IL3RA: variants seen among roughly 807,000 people sequenced by gnomAD.
The protein encoded by IL3RA is interleukin-3 receptor subunit alpha.
IL3RA carries 73 observed loss-of-function variants against 52.3 expected under a neutral mutation model. The ratio of observed to expected loss-of-function variants is 1.40; its 90% CI spans 1.16 to 1.70. IL3RA has a LOEUF of 1.70. Ranked by LOEUF, IL3RA falls within the 40% of genes most tolerant of loss-of-function variation. IL3RA has a pLI of 0.00. For missense variants in IL3RA, 664 were observed against 504.4 expected (o/e 1.32, Z -3.03); for synonymous variants, 260 against 194.0 (o/e 1.34, Z -2.83).
chrX:1,357,128 A>AT (rs1325549054), intron 7 of IL3RA, among the ~76,000 whole-genome samples: 21 of 151,694 alleles, frequency 1.4e-4, no homozygotes, highest in African/African-American at 4.8e-4. Flanking sequence ...AAGTTTTTGT[A>AT]TTTTTAGTAG....
In IL3RA at chrX:1,352,406, A is replaced by G. The variant is rs1425433255; in HGVS notation, c.516A>G (p.Arg172=). 3 of 1,613,460 alleles carry G rather than the reference A, an allele frequency of 1.9e-6. No individual in the cohort carries two copies. The highest frequency in any genetic ancestry group is 1.7e-6 in the Non-Finnish European group (2 of 1,179,790). The change falls in exon 6 of 12, where the codon CGA becomes CGG. Residue 172 remains arginine (R), a synonymous_variant. Coordinates refer to ENST00000331035, the MANE Select transcript of IL3RA (RefSeq NM_002183.4). The part of the protein sequence containing the change: ...RIGCRFDDIS[R]LSSGSQSSHI... The stretch of plus-strand genomic sequence containing the variant: ...GGTGTCGTTTCGATGACATCTCTCG[A>G]CTCTCCAGCGGTTCTCAAAGTTCCC...
intron 3 of IL3RA, among the ~76,000 whole-genome samples, chrX:1,348,016 G>C (rs1244712327): frequency 1.6e-5 from 2 of 126,508 alleles, no homozygotes; most frequent in African/African-American, 6.1e-5. Context: ...CAGCCTGGGC[G>C]ACAGAGCGAG....
intron 1 of IL3RA, among the ~76,000 whole-genome samples, chrX:1,341,120 AAAATAAAT>A (rs1313378193): frequency 1.7e-4 from 26 of 151,636 alleles, no homozygotes; most frequent in African/African-American, 4.6e-4. Context: ...TCTGTCACAA[AAAATAAAT>A]AAATAAATAA....
intron 2 of IL3RA, among the ~76,000 whole-genome samples, chrX:1,344,577 A>G (rs1160832381): frequency 6.6e-6 from 1 of 151,410 alleles, no homozygotes; most frequent in Non-Finnish European, 1.5e-5. Flanking sequence ...GATCGAGACC[A>G]TCCTGGCCAA....
At chrX:1,354,167 G>C (rs1259164565) in intron 6 of IL3RA, among the ~76,000 whole-genome samples, 1 of 151,896 alleles carries the variant, frequency 6.6e-6, no homozygotes, top group African/African-American at 2.4e-5. Context: ...TCCCATCATG[G>C]GTCACGGGAG....
chrX:1,350,973 G>GA (rs1233750452), intron 4 of IL3RA, among the ~76,000 whole-genome samples: 1 of 152,036 alleles, frequency 6.6e-6, no homozygotes, highest in Non-Finnish European at 1.5e-5. Flanking sequence ...TTGGGAGGCT[G>GA]AGGCGGGTGG....
chrX:1,355,825 T>C (rs1453884610), intron 6 of IL3RA, among the ~76,000 whole-genome samples: 36 of 146,488 alleles, frequency 2.5e-4, no homozygotes, highest in Non-Finnish European at 7.5e-5. Flanking sequence ...GGGTTGGCCC[T>C]GGGCAGGGGT....
At chrX:1,364,998 A>G (rs1399701853) in intron 8 of IL3RA, 140 bp from the exon 9 acceptor site, 64 of 572,262 alleles carry the variant, frequency 1.1e-4, no homozygotes, top group Non-Finnish European at 1.9e-4. Context: ...TAGTAGAGAC[A>G]GGGTTTCACC....
At chrX:1,367,440 CGGGTGCGCGGGGTGAGCG>C (rs1479927911) in intron 9 of IL3RA, among the ~76,000 whole-genome samples, 21 of 8,402 alleles carry the variant, frequency 2.5e-3, no homozygotes, top group African/African-American at 7.6e-3. Flanking sequence ...CGGGGTGAGC[CGGGTGCGCGGGGTGAGCG>C]GGGTGCGCGG....
In IL3RA at chrX:1,348,668, TTC is replaced by T. The variant is rs372160476; in HGVS notation, c.298+125_298+126del. 4,911 of 462,882 alleles carry T rather than the reference TTC, an allele frequency of 0.011. 277 individuals carry two copies. In the African/African-American group the frequency reaches 0.15, roughly 14 times the overall value. 28.7% of individuals were successfully genotyped at this position (462,882 alleles called of 1,614,324 possible). Reference sequence around the variant, plus strand: ...TCTCTTTCTTTCTTTCTTTCTTTCTTTCTTTCTTTCTTTCTTTCTTTCTTTTT... The same window carrying T: ...TCTCTTTCTTTCTTTCTTTCTTTCTTTTTCTTTCTTTCTTTCTTTCTTTTT... On this transcript the variant is annotated intron_variant, in intron 4 of 11. Transcript: ENST00000331035.
chrX:1,341,892 A>C, intron 2 of IL3RA, 63 bp downstream of exon 2: 1 of 1,529,162 alleles, frequency 6.5e-7, no homozygotes, highest in Non-Finnish European at 9.1e-7. Flanking sequence ...CAGACACACA[A>C]TGTCAGCGTG....
intron 3 of IL3RA, 122 bp from the exon 4 acceptor site, chrX:1,348,309 C>A: frequency 1.3e-6 from 1 of 765,502 alleles, no homozygotes; most frequent in Non-Finnish European, 2.3e-6. Context: ...GCCGAGATCA[C>A]GCCACTGCAC....
chrX:1,343,174 T>A (rs1437563653), intron 2 of IL3RA, among the ~76,000 whole-genome samples: 33 of 152,112 alleles, frequency 2.2e-4, no homozygotes, highest in African/African-American at 8.0e-4. Context: ...AAGAAAATAA[T>A]GCCAGAAGTC....
intron 1 of IL3RA, among the ~76,000 whole-genome samples, chrX:1,341,449 T>G (rs1172884616): frequency 6.6e-6 from 1 of 150,444 alleles, no homozygotes; most frequent in East Asian, 1.9e-4. Context: ...GTCCTGCAAA[T>G]GTGCAAACAG....
intron 10 of IL3RA, among the ~76,000 whole-genome samples, chrX:1,380,332 CCT>C (rs1285751089): frequency 7.0e-4 from 100 of 142,664 alleles, no homozygotes; most frequent in Non-Finnish European, 1.2e-3. Context: ...CCAGCCAGGC[CCT>C]GTTTCCTTCC....
Position 1,382,471 on chromosome X carries a change from G to C in IL3RA, c.*6G>C, listed in dbSNP as rs201270577. ...AGGTCGTGCAGAAAACTTGAGACTG[G>C]GGTTCAGGGCTTGTGGGGGTCTGCC... is the stretch of plus-strand genomic sequence containing the variant. On this transcript the variant is annotated 3_prime_UTR_variant, in exon 12 of 12. Coordinates refer to ENST00000331035, the MANE Select transcript of IL3RA (RefSeq NM_002183.4). The C allele has an allele frequency of 9.2e-5, 149 of 1,613,584 alleles. No homozygotes were observed. The highest frequency in any genetic ancestry group is 1.2e-4 in the Non-Finnish European group (139 of 1,179,606).
chrX:1,361,844 A>G (rs1416595596), intron 8 of IL3RA, among the ~76,000 whole-genome samples: 1 of 151,576 alleles, frequency 6.6e-6, no homozygotes, highest in East Asian at 1.9e-4. Context: ...CACTACCCCG[A>G]GAACAGTGTG....
chrX:1,347,362 T>C (rs1265612851), intron 3 of IL3RA, among the ~76,000 whole-genome samples: 4 of 151,232 alleles, frequency 2.6e-5, no homozygotes, highest in African/African-American at 7.4e-5. Flanking sequence ...GAGAATGGCT[T>C]GAACCTGGGA....
At position 1,352,471 on chromosome X, in the gene IL3RA, C is replaced by G. The variant is rs750865095; in HGVS notation, c.581C>G (p.Pro194Arg). The change falls in exon 6 of 12, where the codon CCC (proline) becomes CGC (arginine). Residue 194 changes from proline (P) to arginine (R), a missense_variant. Transcript: ENST00000331035. ...GGCAGGAGCGCAGCCTTCGGTATCC[C>G]CTGCACAGATAAGTTTGTCGTCTTT... The part of the protein sequence containing the change: ...VRGRSAAFGI[P>R]CTDKFVVFSQ... The G allele has an allele frequency of 6.2e-7, 1 of 1,613,768 alleles. No individual in the cohort carries two copies. Among genetic ancestry groups the G allele is most frequent in the Non-Finnish European group, 8.5e-7 (1 of 1,179,826 alleles).
Sources: allele counts gnomAD v4.1 joint callset (sites outside exome capture counted in the v4.1 genomes callset), GRCh38; gene constraint gnomAD v4.1.1; transcripts MANE v1.5; gene names NCBI Gene and HGNC (gene_info 2026-07-23, HGNC 2026-07-21).